Variants in STARD13 observed in about 807,000 individuals in gnomAD.
STARD13 encodes the protein stAR-related lipid transfer protein 13.
Under a neutral mutation model 106.4 loss-of-function variants are expected in STARD13, and 62 were observed. The observed-to-expected ratio is 0.58, with a 90% CI of 0.48 to 0.72. The LOEUF is 0.72. Ranked by LOEUF, STARD13 falls within the 30% of genes least tolerant of loss-of-function variation. The probability of loss-of-function intolerance (pLI) is 0.00; values close to 1 mark genes in which losing one functional copy is unlikely to be tolerated. For synonymous variants in STARD13, 565 were observed against 553.0 expected (o/e 1.02, Z -0.31); for missense variants, 1,387 against 1,424.0 (o/e 0.97, Z 0.42).
At chr13:33,609,833 G>T in the STARD13 span, among the ~76,000 whole-genome samples, 1 of 152,154 alleles carries the variant, frequency 6.6e-6, no homozygotes, top group Non-Finnish European at 1.5e-5. Flanking sequence ...CTCCCAAAGT[G>T]CTGGGATTAC....
the STARD13 span, among the ~76,000 whole-genome samples, chr13:33,591,228 C>G: frequency 6.6e-6 from 1 of 152,232 alleles, no homozygotes; most frequent in South Asian, 2.1e-4. Flanking sequence ...ACTCTGTCTT[C>G]CAGATAGGAA....
chr13:33,550,181 T>C, the STARD13 span, among the ~76,000 whole-genome samples: 1 of 152,186 alleles, frequency 6.6e-6, no homozygotes, highest in Admixed American at 6.5e-5. Context: ...TCATTCAGTC[T>C]AGATTCCCTA....
At chr13:33,315,852 T>C (rs1447061469) in intron 1 of STARD13, among the ~76,000 whole-genome samples, 3 of 152,164 alleles carry the variant, frequency 2.0e-5, no homozygotes, top group East Asian at 1.9e-4. Context: ...TTTTTTCATA[T>C]GTAATCATGA....
At chr13:33,226,107 ACCAGAACCCAAC>A (rs1888611358) in intron 1 of STARD13, among the ~76,000 whole-genome samples, 1 of 152,210 alleles carries the variant, frequency 6.6e-6, no homozygotes. Flanking sequence ...TAGAGCCCTC[ACCAGAACCCAAC>A]CATGCTGGCA....
intron 3 of STARD13, among the ~76,000 whole-genome samples, chr13:33,156,614 C>A (rs1282253914): frequency 6.6e-6 from 1 of 152,140 alleles, no homozygotes; most frequent in Admixed American, 6.6e-5. Flanking sequence ...TGGGCACATT[C>A]TTTTACCCCT....
At chr13:33,116,523 A>G (rs1406692350) in intron 8 of STARD13, among the ~76,000 whole-genome samples, 1 of 152,230 alleles carries the variant, frequency 6.6e-6, no homozygotes, top group Non-Finnish European at 1.5e-5. Flanking sequence ...TTGCTCAGCT[A>G]AAATAAAGCC....
chr13:33,674,561 C>CTTATA, the STARD13 span, among the ~76,000 whole-genome samples: 1 of 152,104 alleles, frequency 6.6e-6, no homozygotes, highest in African/African-American at 2.4e-5. Flanking sequence ...AATTCCAGTG[C>CTTATA]ATTTCTCTAC....
chr13:33,471,875 T>C, the STARD13 span, among the ~76,000 whole-genome samples: 1 of 152,128 alleles, frequency 6.6e-6, no homozygotes, highest in Admixed American at 6.6e-5. Flanking sequence ...AATAAGAAAT[T>C]AGGAGAAATA....
upstream of STARD13, chr13:33,350,690 C>T (rs2078069516): frequency 5.2e-6 from 6 of 1,144,954 alleles, no homozygotes; most frequent in Non-Finnish European, 6.5e-6. Flanking sequence ...TCCCCTCCTC[C>T]CCTCCGTTGG....
chr13:33,504,333 T>C, the STARD13 span, among the ~76,000 whole-genome samples: 9 of 152,060 alleles, frequency 5.9e-5, no homozygotes, highest in Non-Finnish European at 1.0e-4. Flanking sequence ...CTAGTCACAA[T>C]AGCAAAGACT....
intron 1 of STARD13, among the ~76,000 whole-genome samples, chr13:33,172,234 A>T (rs575539275): frequency 6.6e-6 from 1 of 152,242 alleles, no homozygotes; most frequent in African/African-American, 2.4e-5. Context: ...CTTATTTGTA[A>T]AAAAAATGGG....
chr13:33,354,075 G>T (rs1395063213), upstream of STARD13, among the ~76,000 whole-genome samples: 1 of 152,078 alleles, frequency 6.6e-6, no homozygotes, highest in Non-Finnish European at 1.5e-5. Flanking sequence ...TGAGCCACCT[G>T]GTGCTACCAC....
chr13:33,511,719 C>T, the STARD13 span, among the ~76,000 whole-genome samples: 2 of 152,214 alleles, frequency 1.3e-5, no homozygotes, highest in Admixed American at 6.5e-5. Context: ...CAAAACTGGT[C>T]GCTGAGCTTC....
chr13:33,350,252 C>T (rs1417106004), intron 1 of STARD13: 2 of 1,509,968 alleles, frequency 1.3e-6, no homozygotes, highest in Non-Finnish European at 8.8e-7. Flanking sequence ...CGGCGCCTCC[C>T]CCGCCCCCGT....
intron 1 of STARD13, among the ~76,000 whole-genome samples, chr13:33,190,163 C>T (rs1886137061): frequency 6.6e-6 from 1 of 152,110 alleles, no homozygotes; most frequent in Admixed American, 6.5e-5. Context: ...TAAGGATAGG[C>T]TGGGTGTGAT....
At chr13:33,537,031 T>A in the STARD13 span, among the ~76,000 whole-genome samples, 1 of 152,250 alleles carries the variant, frequency 6.6e-6, no homozygotes, top group African/African-American at 2.4e-5. Flanking sequence ...AGTAAAAATT[T>A]TATTTTAGGT....
chr13:33,559,582 T>C, the STARD13 span, among the ~76,000 whole-genome samples: 1 of 151,368 alleles, frequency 6.6e-6, no homozygotes, highest in Non-Finnish European at 1.5e-5. Flanking sequence ...GAGGCCAGGC[T>C]CAGTGGCTCA....
chr13:33,568,802 A>G, the STARD13 span, among the ~76,000 whole-genome samples: 1 of 148,422 alleles, frequency 6.7e-6, no homozygotes, highest in Non-Finnish European at 1.5e-5. Context: ...GTTAAGCTAC[A>G]TTTCAGAAAG....
chr13:33,433,696 A>C, the STARD13 span, among the ~76,000 whole-genome samples: 1 of 152,182 alleles, frequency 6.6e-6, no homozygotes, highest in Non-Finnish European at 1.5e-5. Flanking sequence ...CATTCAAAGG[A>C]GGGTTCATTA....
Sources: allele counts gnomAD v4.1 joint callset (sites outside exome capture counted in the v4.1 genomes callset), GRCh38; gene constraint gnomAD v4.1.1; transcripts MANE v1.5; gene names NCBI Gene and HGNC (gene_info 2026-07-23, HGNC 2026-07-21).